GLRA2: variants seen among roughly 807,000 people sequenced by gnomAD.
GLRA2 encodes glycine receptor alpha 2.
A neutral mutation model predicts 31.6 loss-of-function variants in GLRA2; 11 were observed. The ratio of observed to expected loss-of-function variants is 0.35; its 90% CI spans 0.22 to 0.58. The LOEUF is 0.58. GLRA2 is among the 20% of genes least tolerant of loss of function. The probability of loss-of-function intolerance (pLI) is 0.84; values close to 1 mark genes in which losing one functional copy is unlikely to be tolerated. For synonymous variants in GLRA2, 132 were observed against 134.0 expected, an observed-to-expected ratio of 0.99 and a Z score of 0.10; for missense variants, 212 against 351.8, an observed-to-expected ratio of 0.60 and a Z score of 3.18.
At chrX:14,675,255 G>A (rs2091133655) in intron 7 of GLRA2, among the ~76,000 whole-genome samples, 1 of 111,285 alleles carries the variant, frequency 9.0e-6, no homozygotes, top group African/African-American at 3.3e-5. Flanking sequence ...GATATCACCT[G>A]GTGTTGCTTG....
intron 7 of GLRA2, among the ~76,000 whole-genome samples, chrX:14,622,027 T>A (rs1187928636): frequency 8.9e-6 from 1 of 112,027 alleles, no homozygotes; most frequent in African/African-American, 3.2e-5. Flanking sequence ...GCACCTGTTG[T>A]TTCCTGACTT....
At chrX:14,629,694 C>A (rs2090623499) in intron 7 of GLRA2, among the ~76,000 whole-genome samples, 1 of 111,630 alleles carries the variant, frequency 9.0e-6, no homozygotes, top group Non-Finnish European at 1.9e-5. Context: ...TTTTGGATAT[C>A]GTATTTTTTA....
At chrX:14,662,985 T>C (rs1317031227) in intron 7 of GLRA2, among the ~76,000 whole-genome samples, 1 of 112,044 alleles carries the variant, frequency 8.9e-6, no homozygotes, top group African/African-American at 3.2e-5. Context: ...TACTGAACTC[T>C]CTAAATATTT....
chrX:14,698,756 G>T (rs1228055317), intron 8 of GLRA2, among the ~76,000 whole-genome samples: 1 of 100,652 alleles, frequency 9.9e-6, no homozygotes, highest in East Asian at 3.1e-4. Flanking sequence ...TTCCTACTGA[G>T]AAACTGACCT....
intron 8 of GLRA2, among the ~76,000 whole-genome samples, chrX:14,717,048 A>G (rs1489447692): frequency 9.0e-6 from 1 of 111,153 alleles, no homozygotes; most frequent in Non-Finnish European, 1.9e-5. Flanking sequence ...GCAACAACAA[A>G]TCTGACGTGT....
chrX:14,706,411 G>A (rs1246954943), intron 8 of GLRA2, among the ~76,000 whole-genome samples: 1 of 112,285 alleles, frequency 8.9e-6, no homozygotes, highest in African/African-American at 3.2e-5. Flanking sequence ...TTACTATTAA[G>A]ACATGGTAAA....
At chrX:14,543,236 CAA>C (rs60906048) in intron 2 of GLRA2, among the ~76,000 whole-genome samples, 1 of 23,378 alleles carries the variant, frequency 4.3e-5, no homozygotes, top group Non-Finnish European at 7.8e-5. Flanking sequence ...TTGTCATCTG[CAA>C]AAAAAAAAAA....
chrX:14,549,951 G>C (rs2089534542), intron 2 of GLRA2, among the ~76,000 whole-genome samples: 2 of 111,545 alleles, frequency 1.8e-5, no homozygotes, highest in Middle Eastern at 4.6e-3. Flanking sequence ...GAACCAGAAA[G>C]AGATGCAGTC....
intron 2 of GLRA2, among the ~76,000 whole-genome samples, chrX:14,549,710 CA>C (rs1462192942): frequency 8.9e-6 from 1 of 111,849 alleles, no homozygotes; most frequent in Non-Finnish European, 1.9e-5. Context: ...ATCTAATCTA[CA>C]GTTGAAAATT....
At chrX:14,493,709 A>ATACATATACACGTATATATGTATACACG in the GLRA2 span, among the ~76,000 whole-genome samples, 2 of 90,792 alleles carry the variant, frequency 2.2e-5, no homozygotes, top group Admixed American at 1.1e-4. Context: ...ATGTATACAC[A>ATACATATACACGTATATATGTATACACG]TGTATACATA....
chrX:14,491,486 A>G, the GLRA2 span, among the ~76,000 whole-genome samples: 7 of 112,219 alleles, frequency 6.2e-5, no homozygotes, highest in Non-Finnish European at 1.1e-4. Context: ...CCTTTTCCCA[A>G]TCTTTTAATT....
At chrX:14,522,155 C>G in the GLRA2 span, among the ~76,000 whole-genome samples, 5 of 112,538 alleles carry the variant, frequency 4.4e-5, no homozygotes, top group East Asian at 1.4e-3. Flanking sequence ...GCTTTATCAA[C>G]TAAGTTTATG....
At chrX:14,559,062 T>A (rs746787332) in intron 2 of GLRA2, among the ~76,000 whole-genome samples, 2 of 111,573 alleles carry the variant, frequency 1.8e-5, no homozygotes, top group African/African-American at 6.5e-5. Flanking sequence ...TGACTTCAGG[T>A]GATCTGCCCA....
At chrX:14,711,997 C>A (rs1160084892) in intron 8 of GLRA2, among the ~76,000 whole-genome samples, 1 of 112,653 alleles carries the variant, frequency 8.9e-6, no homozygotes, top group Admixed American at 9.4e-5. Context: ...TAAAAGATAC[C>A]AACTAATGGC....
intron 7 of GLRA2, among the ~76,000 whole-genome samples, chrX:14,675,857 A>T (rs1402995311): frequency 8.9e-6 from 1 of 112,371 alleles, no homozygotes; most frequent in African/African-American, 3.2e-5. Context: ...TAGGTAAGAG[A>T]TCAAACAGAA....
intron 7 of GLRA2, among the ~76,000 whole-genome samples, chrX:14,681,077 T>A (rs758303274): frequency 2.7e-5 from 3 of 112,482 alleles, no homozygotes; most frequent in Non-Finnish European, 5.6e-5. Context: ...AATTATACTT[T>A]AAGTTCTAGG....
At chrX:14,502,054 A>C in the GLRA2 span, among the ~76,000 whole-genome samples, 1 of 111,885 alleles carries the variant, frequency 8.9e-6, no homozygotes, top group Non-Finnish European at 1.9e-5. Flanking sequence ...TACTTTTTAA[A>C]AACCCTATCT....
chrX:14,538,836 A>G (rs2089361779), intron 2 of GLRA2, among the ~76,000 whole-genome samples: 1 of 111,556 alleles, frequency 9.0e-6, no homozygotes, highest in South Asian at 3.7e-4. Context: ...TACTGAGATG[A>G]TTTCCTATTT....
At chrX:14,659,037 T>C (rs2090967206) in intron 7 of GLRA2, among the ~76,000 whole-genome samples, 1 of 112,251 alleles carries the variant, frequency 8.9e-6, no homozygotes. Flanking sequence ...GCCTAATCTC[T>C]TCACTCTGCC....
Sources: allele counts gnomAD v4.1 joint callset (sites outside exome capture counted in the v4.1 genomes callset), GRCh38; gene constraint gnomAD v4.1.1; transcripts MANE v1.5; gene names NCBI Gene and HGNC (gene_info 2026-07-23, HGNC 2026-07-21).